Variants in RSU1 observed in about 807,000 individuals in gnomAD.
The protein encoded by RSU1 is Ras suppressor protein 1.
In RSU1, 26 loss-of-function variants were observed where a neutral mutation model predicts 31.1. The ratio of observed to expected loss-of-function variants is 0.84; its 90% CI spans 0.61 to 1.16. The LOEUF is 1.16. RSU1 is among the 50% of genes most tolerant of loss of function. The probability of loss-of-function intolerance (pLI) is 0.00; values close to 1 mark genes in which losing one functional copy is unlikely to be tolerated. For missense variants in RSU1, 320 were observed against 339.1 expected (o/e 0.94, Z 0.44); for synonymous variants, 164 against 136.3 (o/e 1.20, Z -1.41).
intron 7 of RSU1, among the ~76,000 whole-genome samples, chr10:16,739,466 CTTTTTT>C (rs35664560): frequency 1.1e-5 from 1 of 94,248 alleles, no homozygotes; most frequent in South Asian, 3.9e-4. Context: ...CATTTTCTTC[CTTTTTT>C]TTTTTTTTTT....
At chr10:16,634,055 T>C (rs1214821332) in intron 8 of RSU1, among the ~76,000 whole-genome samples, 1 of 152,224 alleles carries the variant, frequency 6.6e-6, no homozygotes, top group Non-Finnish European at 1.5e-5. Context: ...TCAGACAGCT[T>C]CCACCAAGTG....
At position 16,764,372 on chromosome 10, in the gene RSU1, C is replaced by T. The variant is rs775395658; in HGVS notation, c.281+18G>A. On this transcript the variant is annotated intron_variant, in intron 4 of 8. Coordinates refer to ENST00000345264, the MANE Select transcript of RSU1 (RefSeq NM_012425.4). Reference sequence around the variant, plus strand: ...CCACTCTCTTCCTCTCCATCCTTTCCGCTCCACTGATACTCACCCAAGGTT... The same window carrying T: ...CCACTCTCTTCCTCTCCATCCTTTCTGCTCCACTGATACTCACCCAAGGTT... 11 of 1,604,318 alleles carry T rather than the reference C, an allele frequency of 6.9e-6. No individual in the cohort carries two copies. In the Admixed American group the frequency reaches 1.0e-4, roughly 15 times the overall value.
chr10:16,661,612 A>T (rs1407725936), intron 8 of RSU1, among the ~76,000 whole-genome samples: 1 of 152,206 alleles, frequency 6.6e-6, no homozygotes, highest in Non-Finnish European at 1.5e-5. Context: ...ATGTAGAGCA[A>T]TGGCAAAAGC....
intron 8 of RSU1, among the ~76,000 whole-genome samples, chr10:16,601,384 G>T (rs1220830926): frequency 6.6e-6 from 1 of 152,218 alleles, no homozygotes; most frequent in African/African-American, 2.4e-5. Context: ...TCTAAGTAAA[G>T]TTGTATATGT....
intron 8 of RSU1, among the ~76,000 whole-genome samples, chr10:16,658,741 A>G (rs1388158698): frequency 6.6e-6 from 1 of 152,122 alleles, no homozygotes; most frequent in African/African-American, 2.4e-5. Flanking sequence ...AATAAATAAT[A>G]AAAATATTTT....
chr10:16,633,143 T>C (rs1834281207), intron 8 of RSU1, among the ~76,000 whole-genome samples: 1 of 152,066 alleles, frequency 6.6e-6, no homozygotes, highest in African/African-American at 2.4e-5. Context: ...TGGATATCAA[T>C]AGCACCCCCA....
intron 7 of RSU1, among the ~76,000 whole-genome samples, chr10:16,747,519 C>G (rs1836878701): frequency 6.6e-6 from 1 of 152,132 alleles, no homozygotes. Context: ...ACTCTCTCAC[C>G]CCTCATCTAA....
intron 4 of RSU1, 55 bp downstream of exon 4, chr10:16,764,335 G>T: frequency 6.6e-7 from 1 of 1,525,178 alleles, no homozygotes; most frequent in Admixed American, 1.9e-5. Context: ...GGCCTTACCC[G>T]GCATGCCCCT....
At chr10:16,751,361 C>A (rs772946144) in intron 7 of RSU1, among the ~76,000 whole-genome samples, 10 of 152,150 alleles carry the variant, frequency 6.6e-5, no homozygotes, top group Non-Finnish European at 4.4e-5. Flanking sequence ...AGCAAGAGAG[C>A]TAAGGGAAAT....
rs115303121 is a variant in RSU1, at chr10:16,614,088, C to T, written c.732-20592G>A. On this transcript the variant is annotated intron_variant, in intron 8 of 8. Transcript: ENST00000345264. ...GTTAGTGCTGAGATGAGCTATATAA[C>T]CCTAACATTTAGGAACAAGAAGTAC... Among the ~76,000 whole-genome samples, 732 of 152,234 alleles carry T rather than the reference C, an allele frequency of 4.8e-3. 3 individuals are homozygous for T. Among genetic ancestry groups the T allele is most frequent in the African/African-American group, 0.017 (689 of 41,532 alleles).
At chr10:16,655,063 A>C (rs1487382006) in intron 8 of RSU1, among the ~76,000 whole-genome samples, 3 of 128,780 alleles carry the variant, frequency 2.3e-5, no homozygotes, top group African/African-American at 9.6e-5. Flanking sequence ...CTTAAAAAAA[A>C]AAAAAAAAAA....
intron 3 of RSU1, among the ~76,000 whole-genome samples, chr10:16,774,485 G>A (rs375078956): frequency 1.6e-4 from 24 of 152,096 alleles, no homozygotes; most frequent in African/African-American, 4.1e-4. Flanking sequence ...CAGAAGAATC[G>A]CTTGAACTCG....
At chr10:16,629,888 C>T (rs549642521) in intron 8 of RSU1, among the ~76,000 whole-genome samples, 1 of 152,110 alleles carries the variant, frequency 6.6e-6, no homozygotes, top group South Asian at 2.1e-4. Flanking sequence ...TGATGAATAA[C>T]GATTGAGCTG....
chr10:16,721,969 C>T (rs938737626), intron 7 of RSU1, among the ~76,000 whole-genome samples: 6 of 152,118 alleles, frequency 3.9e-5, no homozygotes, highest in South Asian at 2.1e-4. Flanking sequence ...TAATTACTAC[C>T]GTGACTATTG....
chr10:16,634,706 C>G (rs568410338), intron 8 of RSU1, among the ~76,000 whole-genome samples: 1 of 152,230 alleles, frequency 6.6e-6, no homozygotes, highest in Admixed American at 6.5e-5. Flanking sequence ...CACCAAAAAT[C>G]AAAGAATGTG....
At chr10:16,645,880 G>A (rs144024816) in intron 8 of RSU1, among the ~76,000 whole-genome samples, 26,165 of 58,854 alleles carry the variant, frequency 0.44, 7,737 homozygotes, top group African/African-American at 0.66. Context: ...ACATATATGT[G>A]TATATACATA....
intron 2 of RSU1, among the ~76,000 whole-genome samples, chr10:16,797,332 CAGA>C: frequency 6.6e-6 from 1 of 152,270 alleles, no homozygotes; most frequent in Middle Eastern, 3.4e-3. Flanking sequence ...TAAAAGTGGG[CAGA>C]AGGACTGAAC....
At chr10:16,738,767 G>A (rs1377901243) in intron 7 of RSU1, among the ~76,000 whole-genome samples, 4 of 151,986 alleles carry the variant, frequency 2.6e-5, no homozygotes, top group Non-Finnish European at 4.4e-5. Flanking sequence ...ACATATACAC[G>A]TACCATGGTG....
chr10:16,689,773 A>G (rs79042969), intron 8 of RSU1, among the ~76,000 whole-genome samples: 2,017 of 152,300 alleles, frequency 0.013, 40 homozygotes, highest in African/African-American at 0.046. Flanking sequence ...CGGAACACAC[A>G]AAACACAAAT....
Sources: gnomAD v4.1 joint callset for allele counts (sites outside exome capture counted in the v4.1 genomes callset) on GRCh38, gnomAD v4.1.1 for gene constraint, MANE v1.5 for transcripts, NCBI Gene and HGNC (gene_info 2026-07-23, HGNC 2026-07-21) for gene names.